MPDZ: variants seen among roughly 807,000 people sequenced by gnomAD.
The protein encoded by MPDZ is multiple PDZ domain crumbs cell polarity complex component, also known as multiple PDZ domain protein.
MPDZ carries 234 observed loss-of-function variants against 239.1 expected under a neutral mutation model. That is an observed-to-expected ratio of 0.98 (90% CI 0.88 to 1.09). The LOEUF (loss-of-function observed/expected upper bound fraction) is 1.09. Ranked by LOEUF, MPDZ falls within the 50% of genes least tolerant of loss-of-function variation. The pLI, the probability that MPDZ is intolerant of heterozygous loss-of-function variation, is 0.00. For synonymous variants in MPDZ, 1,048 were observed against 881.3 expected, an observed-to-expected ratio of 1.19 and a Z score of -3.35; for missense variants, 3,175 against 2,510.0, an observed-to-expected ratio of 1.26 and a Z score of -5.66.
chr9:13,113,635 T>TA (rs1162398634), intron 41 of MPDZ, among the ~76,000 whole-genome samples: 1 of 152,130 alleles, frequency 6.6e-6, no homozygotes, highest in African/African-American at 2.4e-5. Context: ...TTACTGGTGT[T>TA]ACATTAAACA....
chr9:13,275,957 T>C (rs1974087362), intron 1 of MPDZ, among the ~76,000 whole-genome samples: 2 of 152,304 alleles, frequency 1.3e-5, no homozygotes, highest in South Asian at 4.1e-4. Flanking sequence ...CACCCTCTCA[T>C]CTCAAGACCA....
intron 2 of MPDZ, among the ~76,000 whole-genome samples, chr9:13,248,227 C>CAA (rs757008099): frequency 1.7e-4 from 10 of 59,918 alleles, no homozygotes; most frequent in East Asian, 5.1e-4. Flanking sequence ...GACTCCATCT[C>CAA]AAAAAAAAAA....
intron 24 of MPDZ, among the ~76,000 whole-genome samples, chr9:13,156,736 C>CT (rs1193974170): frequency 5.3e-5 from 8 of 151,624 alleles, no homozygotes; most frequent in African/African-American, 2.0e-4. Flanking sequence ...ACCAACCTAT[C>CT]TTTTTTTCCT....
At chr9:13,149,989 T>C (rs1164868435) in intron 25 of MPDZ, among the ~76,000 whole-genome samples, 1 of 151,874 alleles carries the variant, frequency 6.6e-6, no homozygotes, top group Non-Finnish European at 1.5e-5. Flanking sequence ...AAAAAAAAAC[T>C]CATCCAACAA....
intron 21 of MPDZ, among the ~76,000 whole-genome samples, chr9:13,170,015 A>G (rs1220590965): frequency 6.6e-6 from 1 of 152,192 alleles, no homozygotes; most frequent in Non-Finnish European, 1.5e-5. Flanking sequence ...GTTGAAAAAT[A>G]TAAAATCTTA....
chr9:13,108,499 A>C (rs748729510), intron 46 of MPDZ, among the ~76,000 whole-genome samples: 1 of 152,110 alleles, frequency 6.6e-6, no homozygotes, highest in Non-Finnish European at 1.5e-5. Flanking sequence ...TTATAAAATA[A>C]ATGCTTATTA....
At chr9:13,184,306 C>A (rs1260660092) in intron 18 of MPDZ, among the ~76,000 whole-genome samples, 1 of 151,900 alleles carries the variant, frequency 6.6e-6, no homozygotes, top group Non-Finnish European at 1.5e-5. Context: ...GTTCTTTTTG[C>A]AATTCACTCA....
At position 13,133,788 on chromosome 9, in the gene MPDZ, C is replaced by T. The variant is rs377725085; in HGVS notation, c.4464+36G>A. The T allele has an allele frequency of 2.1e-6, 3 of 1,418,202 alleles. No homozygotes were observed. In the South Asian group the frequency reaches 3.5e-5, roughly 17 times the overall value. The allele number at this position is 1,418,202 out of a possible 1,614,324, so 87.9% of individuals were successfully genotyped here. ...GAATTAGAACACTGAGGTAAAGGAA[C>T]TCACATCATTTCATTCCAATTCAAA... On this transcript the variant is annotated intron_variant, in intron 32 of 46. Coordinates refer to ENST00000319217, the MANE Select transcript of MPDZ (RefSeq NM_001378778.1).
intron 1 of MPDZ, among the ~76,000 whole-genome samples, chr9:13,269,131 A>G (rs1972432102): frequency 1.3e-5 from 2 of 152,350 alleles, no homozygotes; most frequent in South Asian, 4.1e-4. Context: ...ACCAGTTGGT[A>G]ACTGTTAGGG....
intron 21 of MPDZ, among the ~76,000 whole-genome samples, chr9:13,170,763 T>C (rs538052399): frequency 1.3e-5 from 2 of 152,304 alleles, no homozygotes; most frequent in African/African-American, 4.8e-5. Context: ...CATATTTAAC[T>C]CACGATTCTC....
chr9:13,237,441 CAAA>C (rs71331532), intron 3 of MPDZ, among the ~76,000 whole-genome samples: 28 of 54,674 alleles, frequency 5.1e-4, no homozygotes, highest in African/African-American at 8.2e-4. Flanking sequence ...GACACTGTCT[CAAA>C]AAAAAAAAAA....
At position 13,224,545 on chromosome 9, in the gene MPDZ, A is replaced by T; in HGVS notation, c.222T>A (p.Tyr74Ter). The T allele has an allele frequency of 6.2e-7, 1 of 1,611,974 alleles. No individual in the cohort carries two copies. The highest frequency in any genetic ancestry group is 2.2e-5 in the East Asian group (1 of 44,752). ...IATSATSNIEYAHVPHLSPAV... is the reference protein window; with the variant it reads ...IATSATSNIE ...CTGGGCTGAGATGAGGAACGTGGGCATATTCAATATTTGAAGTTGCTGAAG... is the reference window on the plus strand; with the variant it reads ...CTGGGCTGAGATGAGGAACGTGGGCTTATTCAATATTTGAAGTTGCTGAAG... The change falls in exon 4 of 47, where the codon TAT becomes TAA. Residue 74 changes from tyrosine (Y) to a stop codon, truncating the protein, a stop_gained. Transcript: ENST00000319217. LOFTEE classifies it high-confidence loss of function.
intron 10 of MPDZ, among the ~76,000 whole-genome samples, chr9:13,212,791 TAAAAAAA>T (rs145889448): frequency 2.7e-5 from 3 of 110,590 alleles, no homozygotes; most frequent in Non-Finnish European, 5.4e-5. Flanking sequence ...GGTCAAGGTT[TAAAAAAA>T]AAAAAAAAAA....
Position 13,264,678 on chromosome 9 carries a change from C to G in MPDZ, c.-57-14306G>C, listed in dbSNP as rs901972726. Among the ~76,000 whole-genome samples the G allele has an allele frequency of 3.3e-5, 5 of 151,410 alleles. No homozygotes were observed. In the East Asian group the frequency reaches 7.8e-4, roughly 23 times the overall value. On this transcript the variant is annotated intron_variant, in intron 1 of 46. Transcript: ENST00000319217. ...ATTTAAAAAAAAAAAAAAAAAGAGTCCAAAATACACATTAGGGAACTATGG... is the reference window on the plus strand; with the variant it reads ...ATTTAAAAAAAAAAAAAAAAAGAGTGCAAAATACACATTAGGGAACTATGG...
intron 1 of MPDZ, among the ~76,000 whole-genome samples, chr9:13,269,143 C>T (rs1290711786): frequency 6.6e-6 from 1 of 152,022 alleles, no homozygotes; most frequent in Non-Finnish European, 1.5e-5. Context: ...CTGTTAGGGC[C>T]AGGAGGGGTG....
At chr9:13,251,899 C>G (rs1282199947) in intron 1 of MPDZ, among the ~76,000 whole-genome samples, 1 of 152,142 alleles carries the variant, frequency 6.6e-6, no homozygotes, top group Non-Finnish European at 1.5e-5. Flanking sequence ...CTGGCTCTGA[C>G]CTGGAATTGA....
Position 13,193,313 on chromosome 9 carries a change from C to A in MPDZ, c.1657G>T (p.Val553Leu). 2 of 1,574,832 alleles carry A rather than the reference C, an allele frequency of 1.3e-6. No homozygotes were observed. The highest frequency in any genetic ancestry group is 1.7e-6 in the Non-Finnish European group (2 of 1,164,110). ...TCACTAAACTTGCTCACATGGGCCA[C>A]CTGAAAAGAAAAAAAAAAAGATCAC... Reference protein sequence around the residue: ...RIMGINYEIVVAHVSKFSENS... With the variant: ...RIMGINYEIVLAHVSKFSENS... Residue 553 changes from valine (V) to leucine (L), a missense_variant and splice_region_variant, in exon 14 of 47, where the codon GTG becomes TTG. Transcript: ENST00000319217.
intron 38 of MPDZ, chr9:13,120,251 TAAAAA>T (rs968432222): frequency 6.8e-6 from 1 of 145,994 alleles, no homozygotes; most frequent in South Asian, 2.2e-4. Flanking sequence ...CACAAAACTA[TAAAAA>T]AAAAACCCAA....
chr9:13,247,966 C>T (rs1270454104), intron 2 of MPDZ, among the ~76,000 whole-genome samples, 165 bp from the exon 3 acceptor site: 4 of 152,100 alleles, frequency 2.6e-5, no homozygotes, highest in African/African-American at 9.7e-5. Flanking sequence ...GTGGCTCATG[C>T]CTGTAATCCC....
Sources: allele counts gnomAD v4.1 joint callset (sites outside exome capture counted in the v4.1 genomes callset), GRCh38; gene constraint gnomAD v4.1.1; transcripts MANE v1.5; gene names NCBI Gene and HGNC (gene_info 2026-07-23, HGNC 2026-07-21).